The following GMPS variants were observed in gnomAD, a reference collection of about 807,000 sequenced individuals.
GMPS encodes the protein GMP synthase [glutamine-hydrolyzing].
GMPS carries 15 observed loss-of-function variants against 77.9 expected under a neutral mutation model. The observed-to-expected ratio is 0.19, with a 90% CI of 0.13 to 0.30. The LOEUF (loss-of-function observed/expected upper bound fraction) is 0.30. Ranked by LOEUF, GMPS falls within the 10% of genes least tolerant of loss-of-function variation. The pLI, the probability that GMPS is intolerant of heterozygous loss-of-function variation, is 1.00. For synonymous variants in GMPS, 224 were observed against 275.9 expected (o/e 0.81, Z 1.86); for missense variants, 590 against 838.8 (o/e 0.70, Z 3.66).
intron 9 of GMPS, among the ~76,000 whole-genome samples, chr3:155,918,321 G>A (rs554388993): frequency 6.6e-6 from 1 of 152,212 alleles, no homozygotes; most frequent in South Asian, 2.1e-4. Context: ...GTTTGGTGGT[G>A]CATGCCTGTA....
At chr3:155,899,466 G>A (rs1402233904) in intron 3 of GMPS, among the ~76,000 whole-genome samples, 5 of 151,006 alleles carry the variant, frequency 3.3e-5, no homozygotes, top group African/African-American at 1.2e-4. Flanking sequence ...TTTTTAGAGG[G>A]GTTTTAGGTT....
upstream of GMPS, among the ~76,000 whole-genome samples, chr3:155,870,157 T>G (rs535827219): frequency 6.6e-6 from 1 of 152,238 alleles, no homozygotes. Flanking sequence ...CCTTGAGATA[T>G]GGCCACGGAA....
At chr3:155,905,116 G>T (rs1048667411) in intron 4 of GMPS, among the ~76,000 whole-genome samples, 5 of 151,952 alleles carry the variant, frequency 3.3e-5, no homozygotes, top group Non-Finnish European at 7.4e-5. Context: ...CCACCTCCCG[G>T]GTTCAAGTGA....
At position 155,938,010 on chromosome 3, in the gene GMPS, TG is replaced by T. The variant is rs1378299815; in HGVS notation, c.*323del. ...GAATATGTATGAAGGTGGGTGAATT[TG>T]GGGGTAATTATGGGCTTCTGTCTCC... is the stretch of plus-strand genomic sequence containing the variant. On this transcript the variant is annotated 3_prime_UTR_variant, in exon 16 of 16. Coordinates refer to ENST00000496455, the MANE Select transcript of GMPS (RefSeq NM_003875.3). 3.8e-6 allele frequency: 1 copy of T among 263,644 alleles called. No homozygotes were observed. The highest frequency in any genetic ancestry group is 2.2e-5 in the African/African-American group (1 of 46,248). 16.3% of individuals were successfully genotyped at this position (263,644 alleles called of 1,614,324 possible). A position where few individuals can be genotyped will look rare whatever the true frequency, so the allele number is the denominator to read the frequency against.
chr3:155,926,594 TAA>T (rs895601406), intron 12 of GMPS, among the ~76,000 whole-genome samples: 4 of 150,208 alleles, frequency 2.7e-5, no homozygotes, highest in African/African-American at 9.9e-5. Context: ...AAATAAAAAA[TAA>T]AAAAAAAGAA....
chr3:155,917,741 C>T (rs1027712198), intron 9 of GMPS, among the ~76,000 whole-genome samples: 7 of 151,990 alleles, frequency 4.6e-5, no homozygotes, highest in Non-Finnish European at 8.8e-5. Context: ...GGCGTGATGG[C>T]GGGCATCTAT....
At chr3:155,871,391 G>C (rs1454282615) in intron 1 of GMPS, among the ~76,000 whole-genome samples, 3 of 152,224 alleles carry the variant, frequency 2.0e-5, no homozygotes, top group Non-Finnish European at 4.4e-5. Flanking sequence ...CCGGCCTCTG[G>C]TCTTCCCGCC....
chr3:155,883,589 C>T (rs12489430), intron 1 of GMPS, among the ~76,000 whole-genome samples: 8,189 of 152,128 alleles, frequency 0.054, 316 homozygotes, highest in East Asian at 0.18. Flanking sequence ...CTGAAGAGAA[C>T]GAGTCAGAGT....
At chr3:155,881,514 C>T (rs1754206617) in intron 1 of GMPS, among the ~76,000 whole-genome samples, 1 of 152,138 alleles carries the variant, frequency 6.6e-6, no homozygotes, top group South Asian at 2.1e-4. Context: ...GTGGTAGAAA[C>T]ATCTTCACAA....
Position 155,895,776 on chromosome 3 carries a change from T to C in GMPS, c.209+2077T>C, listed in dbSNP as rs1210655662. Among the ~76,000 whole-genome samples, 4 of 152,340 alleles carry C rather than the reference T, an allele frequency of 2.6e-5. No homozygotes were observed. In the East Asian group the frequency reaches 5.8e-4, roughly 22 times the overall value. ...AAAGATTTGTTGAAATAAGACTTTC[T>C]TAATTGGTTTAAGTACTACTTGAGT... On this transcript the variant is annotated intron_variant, in intron 2 of 15. Coordinates refer to ENST00000496455, the MANE Select transcript of GMPS (RefSeq NM_003875.3).
intron 13 of GMPS, 30 bp downstream of exon 13, chr3:155,931,910 T>C: frequency 1.0e-6 from 1 of 960,936 alleles, no homozygotes; most frequent in Non-Finnish European, 1.7e-6. Flanking sequence ...GGGTGGGGGC[T>C]TGTGTAATGG....
intron 8 of GMPS, among the ~76,000 whole-genome samples, chr3:155,915,723 A>G (rs1755161873): frequency 6.6e-6 from 1 of 151,718 alleles, no homozygotes; most frequent in Non-Finnish European, 1.5e-5. Context: ...TTTAGTAGAG[A>G]TGGTGTTTCA....
rs1020696728 is a variant in GMPS, at chr3:155,943,890, G to A, written c.*6198G>A. The A allele has an allele frequency of 1.3e-5, 2 of 152,486 alleles. No homozygotes were observed. The highest frequency in any genetic ancestry group is 4.8e-5 in the African/African-American group (2 of 41,410). 9.4% of individuals were successfully genotyped at this position (152,486 alleles called of 1,614,324 possible). On this transcript the variant is annotated 3_prime_UTR_variant, in exon 16 of 16. Coordinates refer to ENST00000496455, the MANE Select transcript of GMPS (RefSeq NM_003875.3). The stretch of plus-strand genomic sequence containing the variant: ...ATTTATTTCCCTTGCATATATAGTA[G>A]GGGTTAACATTTTGCTCAATGTTAA...
At chr3:155,880,431 AG>A (rs1325230063) in intron 1 of GMPS, among the ~76,000 whole-genome samples, 1 of 152,116 alleles carries the variant, frequency 6.6e-6, no homozygotes, top group Non-Finnish European at 1.5e-5. Context: ...TTGTATCTTT[AG>A]TGTCAGTTTG....
At chr3:155,883,133 A>G (rs1007981297) in intron 1 of GMPS, among the ~76,000 whole-genome samples, 1 of 151,976 alleles carries the variant, frequency 6.6e-6, no homozygotes, top group Non-Finnish European at 1.5e-5. Flanking sequence ...GTGCAGTGGC[A>G]CTATCTCAGC....
At position 155,927,716 on chromosome 3, in the gene GMPS, A is replaced by G. The variant is rs532896306; in HGVS notation, c.1560+2350A>G. On this transcript the variant is annotated intron_variant, in intron 12 of 15. Coordinates refer to ENST00000496455, the MANE Select transcript of GMPS (RefSeq NM_003875.3). ...ATTAAAAAAAATTCTTTGTATTTCT[A>G]CTCTCCAGTTAAGTTTTGTATGTGT... Among the ~76,000 whole-genome samples the G allele has an allele frequency of 7.9e-5, 12 of 152,286 alleles. No individual in the cohort carries two copies. The South Asian group carries it at 2.1e-3, about 26-fold the overall frequency.
intron 9 of GMPS, among the ~76,000 whole-genome samples, chr3:155,918,186 A>C (rs1357516318): frequency 2.0e-5 from 3 of 152,040 alleles, no homozygotes; most frequent in Non-Finnish European, 4.4e-5. Context: ...ACAGTGGCTC[A>C]TGCCTATAAT....
At chr3:155,890,475 A>G (rs1754438991) in intron 1 of GMPS, among the ~76,000 whole-genome samples, 1 of 151,908 alleles carries the variant, frequency 6.6e-6, no homozygotes, top group African/African-American at 2.4e-5. Context: ...TAGGGAAATA[A>G]AAAAATAGTA....
chr3:155,908,599 G>A (rs1754955389), intron 5 of GMPS, among the ~76,000 whole-genome samples: 1 of 152,212 alleles, frequency 6.6e-6, no homozygotes, highest in Non-Finnish European at 1.5e-5. Flanking sequence ...GGATTCCACT[G>A]TTTTGAAGGC....
Sources: allele counts gnomAD v4.1 joint callset (sites outside exome capture counted in the v4.1 genomes callset), GRCh38; gene constraint gnomAD v4.1.1; transcripts MANE v1.5; gene names NCBI Gene and HGNC (gene_info 2026-07-23, HGNC 2026-07-21).